The following SLC35F3 variants were observed in gnomAD, a reference collection of about 807,000 sequenced individuals.
The protein encoded by SLC35F3 is solute carrier family 35 member F3, also known as putative thiamine transporter SLC35F3.
In SLC35F3, 25 loss-of-function variants were observed where a neutral mutation model predicts 49.9. The observed-to-expected ratio is 0.50, with a 90% CI of 0.37 to 0.70. SLC35F3 has a LOEUF of 0.70. Among genes scored for constraint, SLC35F3 ranks in the 30% least tolerant of loss-of-function variants. The pLI, the probability that SLC35F3 is intolerant of heterozygous loss-of-function variation, is 0.00. For missense variants in SLC35F3, 525 were observed against 639.8 expected, an observed-to-expected ratio of 0.82 and a Z score of 1.94; for synonymous variants, 275 against 265.4, an observed-to-expected ratio of 1.04 and a Z score of -0.35.
intron 3 of SLC35F3, among the ~76,000 whole-genome samples, chr1:234,274,663 A>G (rs1301181830): frequency 6.6e-6 from 1 of 152,184 alleles, no homozygotes; most frequent in Non-Finnish European, 1.5e-5. Context: ...CACACTTGGA[A>G]AAGCCATCCA....
intron 2 of SLC35F3, among the ~76,000 whole-genome samples, chr1:234,013,847 C>A (rs1179171505): frequency 3.5e-5 from 5 of 144,332 alleles, no homozygotes; most frequent in Non-Finnish European, 7.4e-5. Context: ...AAAAACTTTC[C>A]CATCAAAAAA....
At chr1:234,291,431 C>A (rs1668506674) in intron 3 of SLC35F3, among the ~76,000 whole-genome samples, 2 of 152,040 alleles carry the variant, frequency 1.3e-5, no homozygotes, top group African/African-American at 4.8e-5. Context: ...AACAGTTCCC[C>A]AGAAAAATGG....
chr1:234,302,287 A>G lies in SLC35F3; in HGVS notation c.609-6814A>G, dbSNP rs184111999. Reference sequence around the variant, plus strand: ...TGGGGACTGTGCTAAGTTGGAAGCTAAGAGGGTGTTTCAGGGAGAAACAGT... The same window carrying G: ...TGGGGACTGTGCTAAGTTGGAAGCTGAGAGGGTGTTTCAGGGAGAAACAGT... On this transcript the variant is annotated intron_variant, in intron 3 of 7. Coordinates refer to ENST00000366618, the MANE Select transcript of SLC35F3 (RefSeq NM_173508.4). Among the ~76,000 whole-genome samples the G allele has an allele frequency of 1.3e-4, 20 of 152,318 alleles. No homozygotes were observed. In the East Asian group the frequency reaches 3.9e-3, roughly 29 times the overall value.
At chr1:234,111,793 A>G (rs1052797490) in intron 2 of SLC35F3, among the ~76,000 whole-genome samples, 4 of 152,240 alleles carry the variant, frequency 2.6e-5, no homozygotes, top group Admixed American at 6.5e-5. Context: ...GCTGAGAATT[A>G]TGCTAAGGAA....
At chr1:234,054,942 G>A (rs374476798) in intron 2 of SLC35F3, among the ~76,000 whole-genome samples, 25 of 152,266 alleles carry the variant, frequency 1.6e-4, no homozygotes, top group African/African-American at 5.1e-4. Flanking sequence ...TATCACCAGC[G>A]GAGGCTGTAG....
chr1:233,949,431 G>A (rs1662567929), intron 2 of SLC35F3, among the ~76,000 whole-genome samples: 1 of 152,160 alleles, frequency 6.6e-6, no homozygotes, highest in Non-Finnish European at 1.5e-5. Context: ...GGGAGAGGAA[G>A]ACCAGTGAAA....
intron 2 of SLC35F3, among the ~76,000 whole-genome samples, chr1:234,223,550 G>T (rs747385989): frequency 5.9e-5 from 9 of 152,290 alleles, no homozygotes; most frequent in Non-Finnish European, 1.3e-4. Context: ...TTACAACAAA[G>T]ATTCAAGCAA....
intron 2 of SLC35F3, among the ~76,000 whole-genome samples, chr1:234,104,858 C>T (rs1055354587): frequency 5.3e-5 from 8 of 152,258 alleles, no homozygotes; most frequent in Admixed American, 4.6e-4. Context: ...TGGCTGGGCA[C>T]GGTGGCTTAT....
In SLC35F3 at chr1:233,905,541, G is replaced by A. The variant is rs777403638; in HGVS notation, c.66G>A (p.Arg22=). The part of the protein sequence containing the change: ...RGKSIAVGMR[R]SPDVSPRRLS... ...CCTGCGACCGCAGTGGCATGAGGAG[G>A]TCACCGGACGTCAGCCCCCGGAGAC... The change falls in exon 2 of 8, where the codon AGG becomes AGA. Residue 22 remains arginine, a synonymous_variant. Coordinates refer to ENST00000366618, the MANE Select transcript of SLC35F3 (RefSeq NM_173508.4). The A allele has an allele frequency of 2.5e-5, 40 of 1,613,322 alleles. No individual in the cohort carries two copies. The highest frequency in any genetic ancestry group is 3.2e-5 in the Non-Finnish European group (38 of 1,179,680).
rs113156146 is a variant in SLC35F3 at position 234,166,098 on chromosome 1, C to T, written c.284-65319C>T. Among the ~76,000 whole-genome samples the T allele has an allele frequency of 7.6e-3, 1,163 of 152,250 alleles. 19 individuals are homozygous for T. The highest frequency in any genetic ancestry group is 0.025 in the African/African-American group (1,051 of 41,534). On this transcript the variant is annotated intron_variant, in intron 2 of 7. Coordinates refer to ENST00000366618, the MANE Select transcript of SLC35F3 (RefSeq NM_173508.4). ...AACCGCATTTTCTTTATCCACTCAT[C>T]AGTTGATGGGCACTTAAGTTGATTC...
intron 2 of SLC35F3, among the ~76,000 whole-genome samples, chr1:233,915,262 G>A: frequency 6.6e-6 from 1 of 152,102 alleles, no homozygotes; most frequent in Non-Finnish European, 1.5e-5. Context: ...AAAAATTCAG[G>A]TCTATCCTCA....
chr1:234,220,783 A>G (rs1461630491), intron 2 of SLC35F3, among the ~76,000 whole-genome samples: 1 of 152,198 alleles, frequency 6.6e-6, no homozygotes, highest in Non-Finnish European at 1.5e-5. Flanking sequence ...CTGGGAATGG[A>G]GATGCCATTA....
At chr1:233,959,135 T>C (rs1466933129) in intron 2 of SLC35F3, among the ~76,000 whole-genome samples, 1 of 152,188 alleles carries the variant, frequency 6.6e-6, no homozygotes, top group Non-Finnish European at 1.5e-5. Flanking sequence ...CCTTTGTGTG[T>C]TTGAGTAACT....
At chr1:234,208,239 C>G (rs1483193970) in intron 2 of SLC35F3, among the ~76,000 whole-genome samples, 5 of 152,168 alleles carry the variant, frequency 3.3e-5, no homozygotes, top group Non-Finnish European at 7.3e-5. Flanking sequence ...TCACTTAACT[C>G]TAGCAAATGG....
intron 2 of SLC35F3, among the ~76,000 whole-genome samples, chr1:234,194,238 A>G (rs1432674700): frequency 1.3e-5 from 2 of 152,218 alleles, no homozygotes; most frequent in Admixed American, 1.3e-4. Flanking sequence ...GTGGATAAAC[A>G]CATTGTTTAT....
intron 3 of SLC35F3, among the ~76,000 whole-genome samples, chr1:234,244,304 C>T (rs1667598097): frequency 6.6e-6 from 1 of 152,158 alleles, no homozygotes; most frequent in South Asian, 2.1e-4. Context: ...GGACAGGGAT[C>T]ATGTCCGTCT....
At chr1:234,211,621 G>A (rs972691851) in intron 2 of SLC35F3, among the ~76,000 whole-genome samples, 2 of 152,184 alleles carry the variant, frequency 1.3e-5, no homozygotes, top group African/African-American at 4.8e-5. Context: ...TAGCCACTTC[G>A]TTTTGGCCAG....
At chr1:234,284,973 TGAA>T (rs1442317650) in intron 3 of SLC35F3, 1 of 168,270 alleles carries the variant, frequency 5.9e-6, no homozygotes, top group Non-Finnish European at 1.3e-5. Flanking sequence ...ACTGCAAGAA[TGAA>T]GACCATTCGC....
intron 2 of SLC35F3, among the ~76,000 whole-genome samples, chr1:233,991,078 C>G (rs1378434026): frequency 6.6e-6 from 1 of 152,178 alleles, no homozygotes; most frequent in Non-Finnish European, 1.5e-5. Flanking sequence ...CAAATATGTG[C>G]AGTGAGTCCT....
Sources: gnomAD v4.1 joint callset for allele counts (sites outside exome capture counted in the v4.1 genomes callset) on GRCh38, gnomAD v4.1.1 for gene constraint, MANE v1.5 for transcripts, NCBI Gene and HGNC (gene_info 2026-07-23, HGNC 2026-07-21) for gene names.